CYTH1: variants seen among roughly 807,000 people sequenced by gnomAD.
CYTH1 encodes the protein cytohesin-1.
Under a neutral mutation model 61.8 loss-of-function variants are expected in CYTH1, and 18 were observed. That is an observed-to-expected ratio of 0.29 (90% CI 0.20 to 0.43). The LOEUF is 0.43. CYTH1 is among the 20% of genes least tolerant of loss of function. CYTH1 has a pLI of 1.00. For missense variants in CYTH1, 336 were observed against 510.5 expected (o/e 0.66, Z 3.29); for synonymous variants, 174 against 184.3 (o/e 0.94, Z 0.45).
At chr17:78,744,740 A>G (rs1484470048) in intron 1 of CYTH1, among the ~76,000 whole-genome samples, 2 of 152,150 alleles carry the variant, frequency 1.3e-5, no homozygotes, top group Admixed American at 6.5e-5. Flanking sequence ...TACCTAGCAA[A>G]GCAAGCTATG....
intron 11 of CYTH1, among the ~76,000 whole-genome samples, chr17:78,683,087 T>C (rs1567824698): frequency 6.6e-6 from 1 of 152,236 alleles, no homozygotes; most frequent in Non-Finnish European, 1.5e-5. Flanking sequence ...TTCTTCCAAC[T>C]TTTCCATTGA....
At chr17:78,773,424 G>GT (rs2093479257) in intron 1 of CYTH1, among the ~76,000 whole-genome samples, 1 of 152,184 alleles carries the variant, frequency 6.6e-6, no homozygotes, top group Non-Finnish European at 1.5e-5. Flanking sequence ...GAGGTCAGGA[G>GT]TTTGAGGCCA....
At chr17:78,684,490 G>C (rs989888425) in intron 11 of CYTH1, among the ~76,000 whole-genome samples, 2 of 152,236 alleles carry the variant, frequency 1.3e-5, no homozygotes, top group Admixed American at 1.3e-4. Flanking sequence ...CCTGTGAAGA[G>C]GGAAATAACC....
chr17:78,703,581 C>T (rs963988618), intron 3 of CYTH1, among the ~76,000 whole-genome samples: 7 of 152,120 alleles, frequency 4.6e-5, no homozygotes, highest in African/African-American at 1.7e-4. Context: ...CACCTTTTTA[C>T]AGTTAATCCT....
At chr17:78,683,041 C>A (rs193079893) in intron 11 of CYTH1, among the ~76,000 whole-genome samples, 5 of 152,302 alleles carry the variant, frequency 3.3e-5, no homozygotes, top group Admixed American at 3.3e-4. Flanking sequence ...TTTCCCTCTG[C>A]CTTTTTATTC....
chr17:78,728,990 C>A, intron 1 of CYTH1, among the ~76,000 whole-genome samples: 1 of 152,010 alleles, frequency 6.6e-6, no homozygotes, highest in Non-Finnish European at 1.5e-5. Context: ...TGCTCATTTG[C>A]GACATGAAAA....
chr17:78,763,776 T>C (rs75187484), intron 1 of CYTH1, among the ~76,000 whole-genome samples: 215 of 152,300 alleles, frequency 1.4e-3, no homozygotes, highest in African/African-American at 5.0e-3. Context: ...GAAAGTATGC[T>C]AGCCTCCTCT....
intron 1 of CYTH1, among the ~76,000 whole-genome samples, chr17:78,754,081 T>C (rs933773364): frequency 6.6e-6 from 1 of 152,118 alleles, no homozygotes; most frequent in African/African-American, 2.4e-5. Flanking sequence ...GGCCGTTGTG[T>C]GAAGCTATGT....
In CYTH1 at chr17:78,700,681, G is replaced by A. The variant is rs1281881218; in HGVS notation, c.438-238C>T. On this transcript the variant is annotated intron_variant, in intron 6 of 13. Transcript: ENST00000446868. The surrounding 1 kb of genome is among the most constrained non-coding windows in gnomAD (Gnocchi z 5.1). ...CGGGACTACAGGCACACGCCACCAT[G>A]CCCGGCTAATTTTTTGTATTTTTAG... is the stretch of plus-strand genomic sequence containing the variant. 1.3e-5 allele frequency among the ~76,000 whole-genome samples: 2 copies of A among 152,100 alleles called. No homozygotes were observed. Among genetic ancestry groups the A allele is most frequent in the Non-Finnish European group, 2.9e-5 (2 of 68,012 alleles).
intron 1 of CYTH1, among the ~76,000 whole-genome samples, chr17:78,724,264 A>G (rs1002985777): frequency 1.3e-5 from 2 of 152,238 alleles, no homozygotes; most frequent in African/African-American, 4.8e-5. Context: ...CCCCAGTCCC[A>G]AAAGCATGAA....
rs150954037 is a variant in CYTH1 at position 78,736,749 on chromosome 17, T to G, written c.23-27017A>C. 1.4e-3 allele frequency: 572 copies of G among 406,584 alleles called. 3 individuals are homozygous for G. The highest frequency in any genetic ancestry group is 0.011 in the African/African-American group (507 of 47,772). The allele number at this position is 406,584 out of a possible 1,614,324, so 25.2% of individuals were successfully genotyped here. A position where few individuals can be genotyped will look rare whatever the true frequency, so the allele number is the denominator to read the frequency against. On this transcript the variant is annotated intron_variant, in intron 1 of 13. Transcript: ENST00000446868. ...TTTCCTTACAGCGGGACACGAAAAG[T>G]CCGTTCTGTGCTTCCAGGAGAGCGG...
chr17:78,677,494 G>C (rs2092713492), intron 13 of CYTH1: 1 of 178,992 alleles, frequency 5.6e-6, no homozygotes, highest in Admixed American at 5.8e-5. Flanking sequence ...GTCAAAAAGA[G>C]ATCCCATATT....
In CYTH1 at chr17:78,726,178, G is replaced by A. The variant is rs150975747; in HGVS notation, c.23-16446C>T. ...CCTGCCTCAGCCACCCTAGCAGCTG[G>A]GACTACAGGCACCCGCTACCACGCC... On this transcript the variant is annotated intron_variant, in intron 1 of 13. Coordinates refer to ENST00000446868, the MANE Select transcript of CYTH1 (RefSeq NM_004762.6). 4.3e-4 allele frequency among the ~76,000 whole-genome samples: 66 copies of A among 151,742 alleles called. No homozygotes were observed. In the East Asian group the frequency reaches 0.013, roughly 29 times the overall value.
intron 1 of CYTH1, among the ~76,000 whole-genome samples, chr17:78,780,515 CA>C (rs2093512709): frequency 1.3e-5 from 2 of 152,064 alleles, no homozygotes; most frequent in South Asian, 4.1e-4. Flanking sequence ...GACCCTGTCT[CA>C]AAAACACAAC....
In CYTH1 at chr17:78,756,580, AC is replaced by A. The variant is rs533918903; in HGVS notation, c.22+25621del. Reference sequence around the variant, plus strand: ...GAGGCTATTTGAAGTCCTTCAGAGAACTGAGTGACACAGTGAGACCCCATCT... The same window carrying A: ...GAGGCTATTTGAAGTCCTTCAGAGAATGAGTGACACAGTGAGACCCCATCT... On this transcript the variant is annotated intron_variant, in intron 1 of 13. Transcript: ENST00000446868. Among the ~76,000 whole-genome samples the A allele has an allele frequency of 1.0e-3, 158 of 152,296 alleles. 1 individual carries two copies. Among genetic ancestry groups the A allele is most frequent in the African/African-American group, 3.6e-3 (151 of 41,556 alleles).
At chr17:78,775,242 G>A (rs1319248686) in intron 1 of CYTH1, among the ~76,000 whole-genome samples, 3 of 152,210 alleles carry the variant, frequency 2.0e-5, no homozygotes, top group Admixed American at 6.5e-5. Flanking sequence ...TGGGGGGGCC[G>A]CTGGGGGTTA....
intron 1 of CYTH1, among the ~76,000 whole-genome samples, chr17:78,736,453 T>TACAC (rs1235988203): frequency 2.7e-5 from 4 of 150,718 alleles, no homozygotes; most frequent in Non-Finnish European, 4.4e-5. Context: ...CACACACACA[T>TACAC]ACACACACAC....
At chr17:78,686,749 G>A (rs1300474245) in intron 11 of CYTH1, among the ~76,000 whole-genome samples, 2 of 152,030 alleles carry the variant, frequency 1.3e-5, no homozygotes, top group East Asian at 1.9e-4. Flanking sequence ...GGGATGATTC[G>A]AGCACATTAC....
At chr17:78,695,807 C>T (rs540400341) in intron 10 of CYTH1, among the ~76,000 whole-genome samples, 200 bp downstream of exon 10, 2 of 152,304 alleles carry the variant, frequency 1.3e-5, no homozygotes, top group South Asian at 4.1e-4. Flanking sequence ...AACATATACT[C>T]CTCCAAAAAA....
Sources: gnomAD v4.1 joint callset for allele counts (sites outside exome capture counted in the v4.1 genomes callset) on GRCh38, gnomAD v4.1.1 for gene constraint, Gnocchi (gnomAD v3.1) non-coding constraint, MANE v1.5 for transcripts, NCBI Gene and HGNC (gene_info 2026-07-23, HGNC 2026-07-21) for gene names.